Variants in PKNOX2 observed in about 807,000 individuals in gnomAD.
PKNOX2 encodes the protein homeobox protein PKNOX2.
PKNOX2 carries 14 observed loss-of-function variants against 53.1 expected under a neutral mutation model. That is an observed-to-expected ratio of 0.26 (90% CI 0.17 to 0.41). The LOEUF is 0.41. PKNOX2 is among the 10% of genes least tolerant of loss of function. The probability of loss-of-function intolerance (pLI) is 1.00; values close to 1 mark genes in which losing one functional copy is unlikely to be tolerated. For synonymous variants in PKNOX2, 257 were observed against 242.8 expected (o/e 1.06, Z -0.54); for missense variants, 496 against 602.8 (o/e 0.82, Z 1.85).
At chr11:125,354,667 G>C (rs1338641636) in intron 4 of PKNOX2, among the ~76,000 whole-genome samples, 3 of 152,126 alleles carry the variant, frequency 2.0e-5, no homozygotes, top group African/African-American at 7.2e-5. Flanking sequence ...CCAAGCCCCG[G>C]ACCTTCTTTA....
chr11:125,387,722 T>C (rs1229643277), intron 6 of PKNOX2, among the ~76,000 whole-genome samples: 1 of 152,074 alleles, frequency 6.6e-6, no homozygotes, highest in African/African-American at 2.4e-5. Context: ...GGGCTGGGAG[T>C]GTCCAGCCAG....
intron 7 of PKNOX2, 103 bp downstream of exon 7, chr11:125,398,165 C>A (rs1954525886): frequency 1.6e-6 from 2 of 1,251,010 alleles, no homozygotes; most frequent in African/African-American, 1.5e-5. Flanking sequence ...CTGGGTTAGA[C>A]CCACTGGGTT....
At chr11:125,222,235 C>A (rs1565472697) in intron 1 of PKNOX2, among the ~76,000 whole-genome samples, 1 of 152,176 alleles carries the variant, frequency 6.6e-6, no homozygotes, top group Non-Finnish European at 1.5e-5. Context: ...TCATCCTGAG[C>A]CACCCCCCTT....
At chr11:125,318,272 A>G (rs886729714) in intron 2 of PKNOX2, among the ~76,000 whole-genome samples, 1 of 140,216 alleles carries the variant, frequency 7.1e-6, no homozygotes. Context: ...ATGCCTGGCT[A>G]ATTTTTTTTT....
chr11:125,272,712 G>A (rs1015275846), intron 2 of PKNOX2, among the ~76,000 whole-genome samples: 11 of 152,120 alleles, frequency 7.2e-5, no homozygotes, highest in African/African-American at 1.2e-4. Context: ...AGGAACAGCC[G>A]CCTTCTTTGT....
intron 2 of PKNOX2, among the ~76,000 whole-genome samples, chr11:125,296,458 G>A (rs910819513): frequency 2.0e-5 from 3 of 152,018 alleles, no homozygotes; most frequent in Admixed American, 1.3e-4. Flanking sequence ...CACATTGGTC[G>A]CCTCAGGTCT....
At chr11:125,205,507 G>C (rs1938988699) in intron 1 of PKNOX2, among the ~76,000 whole-genome samples, 1 of 152,128 alleles carries the variant, frequency 6.6e-6, no homozygotes, top group African/African-American at 2.4e-5. Flanking sequence ...TTGTAACTCT[G>C]TATTTTATTA....
intron 2 of PKNOX2, among the ~76,000 whole-genome samples, chr11:125,280,207 G>A (rs1174836647): frequency 1.3e-5 from 2 of 151,832 alleles, no homozygotes; most frequent in Non-Finnish European, 2.9e-5. Flanking sequence ...GAGAAATGTG[G>A]TGAAGCGAGA....
intron 10 of PKNOX2, among the ~76,000 whole-genome samples, chr11:125,420,470 G>A (rs1200886373): frequency 6.6e-6 from 1 of 151,740 alleles, no homozygotes; most frequent in Non-Finnish European, 1.5e-5. Flanking sequence ...AGCTTGCAGT[G>A]AGCTGAGATT....
intron 6 of PKNOX2, among the ~76,000 whole-genome samples, chr11:125,392,648 T>C (rs1954120621): frequency 6.6e-6 from 1 of 152,230 alleles, no homozygotes; most frequent in African/African-American, 2.4e-5. Context: ...TTACTTTTGT[T>C]TTACTTACCT....
intron 3 of PKNOX2, among the ~76,000 whole-genome samples, chr11:125,343,089 A>T (rs1052528288): frequency 2.0e-5 from 3 of 151,914 alleles, no homozygotes; most frequent in African/African-American, 4.8e-5. Context: ...CCAGGGCAGC[A>T]GCTGTGGCCT....
intron 1 of PKNOX2, among the ~76,000 whole-genome samples, chr11:125,200,116 C>T (rs1035312435): frequency 6.6e-6 from 1 of 152,194 alleles, no homozygotes; most frequent in African/African-American, 2.4e-5. Flanking sequence ...CTTCAGTGTA[C>T]AATGTCAGAG....
At position 125,370,827 on chromosome 11, in the gene PKNOX2, A is replaced by G. The variant is rs568931355; in HGVS notation, c.227+2842A>G. Among the ~76,000 whole-genome samples the G allele has an allele frequency of 6.6e-6, 1 of 152,358 alleles. No individual in the cohort carries two copies. The highest frequency in any genetic ancestry group is 1.5e-5 in the Non-Finnish European group (1 of 68,030). The stretch of plus-strand genomic sequence containing the variant: ...CAGCCTGGCTGCTCCAAAGCACATC[A>G]GGGAGTCGGCATTTTATGTCAATAA... On this transcript the variant is annotated intron_variant, in intron 5 of 12. Transcript: ENST00000298282. The surrounding 1 kb of genome is among the most constrained non-coding windows in gnomAD (Gnocchi z 4.1).
intron 2 of PKNOX2, among the ~76,000 whole-genome samples, chr11:125,281,427 T>C (rs750577420): frequency 4.6e-5 from 7 of 152,194 alleles, no homozygotes; most frequent in Non-Finnish European, 8.8e-5. Flanking sequence ...GGTGGGCTTG[T>C]GTGGTGCAGC....
chr11:125,309,829 C>T (rs750783140), intron 2 of PKNOX2, among the ~76,000 whole-genome samples: 7 of 152,176 alleles, frequency 4.6e-5, no homozygotes, highest in Non-Finnish European at 7.3e-5. Flanking sequence ...GTGGAATGAT[C>T]AGCACACCTT....
chr11:125,301,688 A>T (rs752165195), intron 2 of PKNOX2, among the ~76,000 whole-genome samples: 25 of 152,152 alleles, frequency 1.6e-4, no homozygotes, highest in Non-Finnish European at 3.5e-4. Flanking sequence ...TTTCATTAAA[A>T]ATAAAAAATA....
intron 6 of PKNOX2, among the ~76,000 whole-genome samples, chr11:125,386,830 C>T (rs1174703969): frequency 6.6e-6 from 1 of 151,914 alleles, no homozygotes; most frequent in Non-Finnish European, 1.5e-5. Context: ...CTCTCAAGAG[C>T]TGAATATGTG....
In PKNOX2 at chr11:125,341,615, C is replaced by T. The variant is rs561873983; in HGVS notation, c.-22-9669C>T. ...ACAGAAACATGCATGATGATTATTC[C>T]CGCCTTGATTTCCCACGTGTAGTCC... On this transcript the variant is annotated intron_variant, in intron 3 of 12. Coordinates refer to ENST00000298282, the MANE Select transcript of PKNOX2 (RefSeq NM_001382323.2). Among the ~76,000 whole-genome samples, 42 of 152,328 alleles carry T rather than the reference C, an allele frequency of 2.8e-4. 1 individual carries two copies. Among genetic ancestry groups the T allele is most frequent in the African/African-American group, 8.2e-4 (34 of 41,568 alleles).
chr11:125,259,680 C>T (rs1944684189), intron 2 of PKNOX2, among the ~76,000 whole-genome samples: 2 of 152,180 alleles, frequency 1.3e-5, no homozygotes, highest in Admixed American at 1.3e-4. Flanking sequence ...GGGGATGGCC[C>T]ACCTGCCTTG....
Sources: gnomAD v4.1 joint callset for allele counts (sites outside exome capture counted in the v4.1 genomes callset) on GRCh38, gnomAD v4.1.1 for gene constraint, Gnocchi (gnomAD v3.1) non-coding constraint, MANE v1.5 for transcripts, NCBI Gene and HGNC (gene_info 2026-07-23, HGNC 2026-07-21) for gene names.